The following FAM89A variants were observed in gnomAD, a reference collection of about 807,000 sequenced individuals.
FAM89A encodes the protein protein FAM89A.
FAM89A carries 10 observed loss-of-function variants against 7.1 expected under a neutral mutation model. That is an observed-to-expected ratio of 1.40 (90% CI 0.86 to 2.38). FAM89A has a LOEUF of 2.38. Among genes scored for constraint, FAM89A ranks in the 30% most tolerant of loss-of-function variants. The pLI is 0.00. For synonymous variants in FAM89A, 157 were observed against 129.3 expected (o/e 1.21, Z -1.45); for missense variants, 276 against 262.8 (o/e 1.05, Z -0.35).
chr1:231,021,677 G>T, intron 1 of FAM89A: 1 of 1,578,152 alleles, frequency 6.3e-7, no homozygotes, highest in Non-Finnish European at 8.7e-7. Flanking sequence ...AACACGGGAA[G>T]CAACCTCCAC....
chr1:231,020,239 C>T (rs1679851056), intron 1 of FAM89A, 113 bp from the exon 2 acceptor site: 3 of 1,126,404 alleles, frequency 2.7e-6, no homozygotes, highest in Non-Finnish European at 3.7e-6. Context: ...CCACACGGCG[C>T]ATGATTCAGA....
intron 1 of FAM89A, among the ~76,000 whole-genome samples, chr1:231,032,210 T>A (rs1031673395): frequency 6.6e-6 from 1 of 152,254 alleles, no homozygotes; most frequent in Middle Eastern, 3.2e-3. Flanking sequence ...AAACATATTT[T>A]AAAATTATAT....
intron 1 of FAM89A, among the ~76,000 whole-genome samples, chr1:231,035,527 A>C (rs1480953915): frequency 1.3e-5 from 2 of 152,172 alleles, no homozygotes; most frequent in African/African-American, 4.8e-5. Context: ...TCTACACTCT[A>C]GTGTGACTTC....
At chr1:231,031,146 T>C (rs1232642941) in intron 1 of FAM89A, among the ~76,000 whole-genome samples, 1 of 152,028 alleles carries the variant, frequency 6.6e-6, no homozygotes, top group Non-Finnish European at 1.5e-5. Flanking sequence ...ACCTATTACA[T>C]GCTAACACAA....
In FAM89A at chr1:231,020,038, G is replaced by C. The variant is rs148621394; in HGVS notation, c.380C>G (p.Ala127Gly). The part of the protein sequence containing the change: ...SIQEYKGACQ[A>G]ASSPDCTYAL... ...GTAAGTGCAGTCTGGGCTGGAGGCT[G>C]CCTGGCATGCCCCCTTGTACTCCTG... Residue 127 changes from alanine (A) to glycine (G), a missense_variant, in exon 2 of 2, where the codon GCA becomes GGA. Physicochemically the swap from Ala to Gly is moderately conservative, Grantham distance 60 (BLOSUM62 0). Transcript: ENST00000366654. The C allele has an allele frequency of 1.6e-3, 2,608 of 1,614,114 alleles. 4 individuals are homozygous for C. The highest frequency in any genetic ancestry group is 2.1e-3 in the Non-Finnish European group (2,491 of 1,180,030).
At chr1:231,020,836 T>A (rs767346025) in intron 1 of FAM89A, among the ~76,000 whole-genome samples, 2 of 152,192 alleles carry the variant, frequency 1.3e-5, no homozygotes, top group East Asian at 3.9e-4. Context: ...AGAACATTTA[T>A]AAAAGTCATA....
At chr1:231,021,975 T>C (rs4311872) in intron 1 of FAM89A, 780,092 of 1,349,122 alleles carry the variant, frequency 0.58, 230,748 homozygotes, top group Non-Finnish European at 0.62. Flanking sequence ...GAGGGCGCTA[T>C]AGGCCTCAGG....
In FAM89A at chr1:231,039,809, C is replaced by G. The variant is rs986559182; in HGVS notation, c.291+112G>C. ...GGCGCCGGCGCCTGGGGCGGAGGAG[C>G]CCGAAAGGGCGGGTGGGCGCGGGGA... On this transcript the variant is annotated intron_variant, in intron 1 of 1. Coordinates refer to ENST00000366654, the MANE Select transcript of FAM89A (RefSeq NM_198552.3). 9.1e-6 allele frequency: 10 copies of G among 1,096,538 alleles called. No homozygotes were observed. In the East Asian group the frequency reaches 3.3e-4, roughly 36 times the overall value. The allele number at this position is 1,096,538 out of a possible 1,614,324, so 67.9% of individuals were successfully genotyped here. A position where few individuals can be genotyped will look rare whatever the true frequency, so the allele number is the denominator to read the frequency against.
At chr1:231,039,279 C>A (rs1292880315) in intron 1 of FAM89A, among the ~76,000 whole-genome samples, 1 of 152,244 alleles carries the variant, frequency 6.6e-6, no homozygotes, top group Non-Finnish European at 1.5e-5. Context: ...AGGACAGCCA[C>A]CTCCCACCTT....
chr1:231,032,367 C>T (rs1680088120), intron 1 of FAM89A, among the ~76,000 whole-genome samples: 1 of 129,706 alleles, frequency 7.7e-6, no homozygotes, highest in Non-Finnish European at 1.7e-5. Context: ...CACCGCCCCA[C>T]CCCACCCCGC....
intron 1 of FAM89A, chr1:231,026,334 T>C (rs550825582): frequency 5.2e-5 from 8 of 152,530 alleles, no homozygotes; most frequent in African/African-American, 1.9e-4. Flanking sequence ...AACGTGCCAG[T>C]GACACTGCCT....
intron 1 of FAM89A, among the ~76,000 whole-genome samples, chr1:231,024,520 GCACA>G (rs3220109): frequency 6.7e-4 from 97 of 144,520 alleles, no homozygotes; most frequent in African/African-American, 9.2e-4. Flanking sequence ...TACATTGCAT[GCACA>G]CACACACACA....
chr1:231,026,433 C>T (rs1410233206), intron 1 of FAM89A: 1 of 152,250 alleles, frequency 6.6e-6, no homozygotes, highest in Admixed American at 6.5e-5. Context: ...CACTGCACTC[C>T]TCTCCAAACC....
chr1:231,030,113 A>G (rs752660553), intron 1 of FAM89A, among the ~76,000 whole-genome samples: 1 of 152,232 alleles, frequency 6.6e-6, no homozygotes, highest in Non-Finnish European at 1.5e-5. Flanking sequence ...TGTGCTCACT[A>G]AACGGCTTCT....
At chr1:231,021,771 T>G in intron 1 of FAM89A, 1 of 1,602,884 alleles carries the variant, frequency 6.2e-7, no homozygotes, top group South Asian at 1.1e-5. Flanking sequence ...TGTGAATCTT[T>G]AGAGCCTGTG....
chr1:231,032,827 G>A (rs1472110116), intron 1 of FAM89A, among the ~76,000 whole-genome samples: 2 of 152,166 alleles, frequency 1.3e-5, no homozygotes, highest in Non-Finnish European at 2.9e-5. Context: ...CCGCTGACTA[G>A]GGAGCTCTGG....
chr1:231,039,842 A>G, intron 1 of FAM89A, 79 bp downstream of exon 1: 2 of 1,247,502 alleles, frequency 1.6e-6, no homozygotes, highest in Non-Finnish European at 2.0e-6. Context: ...GGACTTCCGG[A>G]CAGAGCGCGG....
At chr1:231,033,339 A>C (rs1680105358) in intron 1 of FAM89A, among the ~76,000 whole-genome samples, 2 of 152,212 alleles carry the variant, frequency 1.3e-5, no homozygotes, top group African/African-American at 2.4e-5. Flanking sequence ...GCATTATGAA[A>C]AGCTTGGTTT....
chr1:231,021,654 A>C lies in FAM89A; in HGVS notation c.292-1528T>G, dbSNP rs1283355428. ...CGAGGTGGAGCAATAAATTCTAGAC[A>C]AGCCCAGAAGCGAACACGGGAAGCA... On this transcript the variant is annotated intron_variant, in intron 1 of 1. Transcript: ENST00000366654. 6.4e-6 allele frequency: 10 copies of C among 1,556,426 alleles called. No individual in the cohort carries two copies. In the East Asian group the frequency reaches 2.0e-4, roughly 32 times the overall value.
Sources: gnomAD v4.1 joint callset for allele counts (sites outside exome capture counted in the v4.1 genomes callset) on GRCh38, gnomAD v4.1.1 for gene constraint, MANE v1.5 for transcripts, NCBI Gene and HGNC (gene_info 2026-07-23, HGNC 2026-07-21) for gene names.